The following TMPO variants were observed in gnomAD, a reference collection of about 807,000 sequenced individuals.
TMPO encodes LEM domain containing 4.
TMPO carries 22 observed loss-of-function variants against 45.4 expected under a neutral mutation model. The observed-to-expected ratio is 0.48, with a 90% CI of 0.35 to 0.69. TMPO has a LOEUF of 0.69. TMPO is among the 30% of genes least tolerant of loss of function. The pLI is 0.01. For missense variants in TMPO, 512 were observed against 548.8 expected (o/e 0.93, Z 0.67); for synonymous variants, 241 against 204.1 (o/e 1.18, Z -1.54).
chr12:98,530,116 T>C (rs1236814918), intron 2 of TMPO, among the ~76,000 whole-genome samples: 1 of 152,048 alleles, frequency 6.6e-6, no homozygotes, highest in African/African-American at 2.4e-5. Flanking sequence ...GGTGGTGGAA[T>C]TGCTTGAGTT....
chr12:98,545,119 A>G, intron 7 of TMPO, 58 bp downstream of exon 7: 1 of 1,096,318 alleles, frequency 9.1e-7, no homozygotes, highest in Non-Finnish European at 1.3e-6. Flanking sequence ...GGAAATATAA[A>G]TATTTGTTTG....
rs1407591952 is a variant in TMPO at position 98,515,876 on chromosome 12, G to A, written c.9G>A (p.Glu3=). 1 of 1,613,426 alleles carries A rather than the reference G, an allele frequency of 6.2e-7. No homozygotes were observed. The highest frequency in any genetic ancestry group is 1.1e-5 in the South Asian group (1 of 91,040). MP[E]FLEDPSVLTK... ...CTTCGCAGATCCCCGAGATGCCGGA[G>A]TTCCTGGAAGACCCCTCGGTCCTGA... The change falls in exon 1 of 9, where the codon GAG becomes GAA. Residue 3 remains glutamate, a synonymous_variant. Transcript: ENST00000556029.
intron 4 of TMPO, among the ~76,000 whole-genome samples, chr12:98,539,748 A>G (rs1310006556): frequency 6.6e-6 from 1 of 152,202 alleles, no homozygotes; most frequent in Non-Finnish European, 1.5e-5. Context: ...TGCTGGGATT[A>G]CAGGCATGAG....
At chr12:98,546,509 C>G (rs796521024) in intron 8 of TMPO, 62 bp downstream of exon 8, 82 of 1,256,058 alleles carry the variant, frequency 6.5e-5, no homozygotes, top group Non-Finnish European at 5.8e-6. Context: ...ATTTTTAATT[C>G]TTCATCACAA....
Position 98,537,555 on chromosome 12 carries a change from AGAGTT to A in TMPO, c.650_654del (p.Val217AlafsTer12). 1 of 1,612,992 alleles carries A rather than the reference AGAGTT, an allele frequency of 6.2e-7. No homozygotes were observed. Among genetic ancestry groups the A allele is most frequent in the Non-Finnish European group, 8.5e-7 (1 of 1,179,266 alleles). ...GACTCCAGTAACACTCAAGCAAAGA[AGAGTT>A]GAGCACAATCAGGTATCTTTAGTTT... On this transcript the variant is annotated frameshift_variant, in exon 4 of 9. Transcript: ENST00000556029. LOFTEE classifies it high-confidence loss of function.
chr12:98,528,318 C>T (rs1014639176), intron 2 of TMPO, among the ~76,000 whole-genome samples: 7 of 150,908 alleles, frequency 4.6e-5, no homozygotes, highest in Non-Finnish European at 4.4e-5. Flanking sequence ...GCTCTGTCGC[C>T]CAGGCTGTAG....
intron 2 of TMPO, among the ~76,000 whole-genome samples, chr12:98,529,345 G>A (rs567110950): frequency 9.2e-5 from 14 of 151,960 alleles, no homozygotes; most frequent in East Asian, 3.9e-4. Context: ...GTGAGCCACC[G>A]CGCTGAGCCC....
intron 7 of TMPO, among the ~76,000 whole-genome samples, chr12:98,546,023 G>C (rs371123412): frequency 6.6e-6 from 1 of 152,122 alleles, no homozygotes; most frequent in African/African-American, 2.4e-5. Context: ...GTGAGCCACC[G>C]TACCCGGCCC....
Position 98,546,396 on chromosome 12 carries a change from A to G in TMPO, c.1028A>G (p.Asp343Gly). The G allele has an allele frequency of 6.2e-7, 1 of 1,613,042 alleles. No homozygotes were observed. The highest frequency in any genetic ancestry group is 8.5e-7 in the Non-Finnish European group (1 of 1,179,072). Residue 343 changes from aspartate (D) to glycine (G), a missense_variant, in exon 8 of 9, where the codon GAT (aspartate) becomes GGT (glycine). By Grantham distance (94) the Asp-to-Gly change is moderately conservative. Around this residue, in one of 3 missense-constraint regions of TMPO, gnomAD observed 209 missense variants for 235.1 expected, o/e 0.89. Transcript: ENST00000556029. Reference protein sequence around the residue: ...EKTEERRVERDILKEMFPYEA... With the variant: ...EKTEERRVERGILKEMFPYEA... ...ACAGAGGAAAGAAGAGTAGAAAGGG[A>G]TATTCTTAAGGAAATGTTCCCCTAT...
intron 1 of TMPO, among the ~76,000 whole-genome samples, chr12:98,523,370 A>G (rs1876521367): frequency 1.3e-5 from 2 of 152,108 alleles, no homozygotes; most frequent in South Asian, 4.1e-4. Flanking sequence ...CCTGGCCAAC[A>G]TGGTGAAATC....
intron 8 of TMPO, among the ~76,000 whole-genome samples, chr12:98,547,120 G>C (rs1878272248): frequency 6.8e-6 from 1 of 147,018 alleles, no homozygotes; most frequent in Non-Finnish European, 1.5e-5. Context: ...CTGTTGCCCA[G>C]GCTGGAGTAC....
intron 1 of TMPO, among the ~76,000 whole-genome samples, chr12:98,524,759 A>C (rs974308939): frequency 6.6e-6 from 1 of 151,714 alleles, no homozygotes; most frequent in African/African-American, 2.4e-5. Context: ...ACACCCGGCT[A>C]ATTTTTGCAT....
chr12:98,527,351 CAAAA>C (rs1175889026), intron 1 of TMPO, among the ~76,000 whole-genome samples: 10 of 100,672 alleles, frequency 9.9e-5, no homozygotes, highest in Admixed American at 9.6e-4. Flanking sequence ...AAAAAAAAAA[CAAAA>C]AAAAAAAACC....
intron 4 of TMPO, among the ~76,000 whole-genome samples, chr12:98,538,122 A>G (rs940486564): frequency 6.6e-6 from 1 of 152,246 alleles, no homozygotes; most frequent in Non-Finnish European, 1.5e-5. Flanking sequence ...GAAAATAAGC[A>G]TAGGTATAAA....
chr12:98,522,546 G>A (rs996656938), intron 1 of TMPO, among the ~76,000 whole-genome samples: 9 of 152,182 alleles, frequency 5.9e-5, no homozygotes, highest in African/African-American at 2.2e-4. Context: ...ACCTGAAATA[G>A]AGGAATAACC....
At chr12:98,538,030 C>T (rs1305977639) in intron 4 of TMPO, among the ~76,000 whole-genome samples, 2 of 152,100 alleles carry the variant, frequency 1.3e-5, no homozygotes, top group African/African-American at 4.8e-5. Flanking sequence ...GTTTTCTTTC[C>T]TTATTTCAGA....
At chr12:98,532,970 T>C (rs35998138) in intron 3 of TMPO, 2 of 1,614,046 alleles carry the variant, frequency 1.2e-6, no homozygotes, top group Non-Finnish European at 1.7e-6. Flanking sequence ...AGTACCGAAC[T>C]ACAGGCAGCT....
In TMPO at chr12:98,544,899, G is replaced by A. The variant is rs1878130427; in HGVS notation, c.880-52G>A. 5 of 1,301,100 alleles carry A rather than the reference G, an allele frequency of 3.8e-6. 1 individual carries two copies. The highest frequency in any genetic ancestry group is 3.4e-5 in the Admixed American group (2 of 59,616). 80.6% of individuals were successfully genotyped at this position (1,301,100 alleles called of 1,614,324 possible). On this transcript the variant is annotated intron_variant, in intron 6 of 8. Transcript: ENST00000556029. Reference sequence around the variant, plus strand: ...AAATATCTTTCTTTTCTTTTTAAGTGTCTGTGTTATGTTTGGATAATTCTG... The same window carrying A: ...AAATATCTTTCTTTTCTTTTTAAGTATCTGTGTTATGTTTGGATAATTCTG...
intron 3 of TMPO, chr12:98,534,091 C>A (rs201929673): frequency 6.2e-7 from 1 of 1,612,636 alleles, no homozygotes; most frequent in East Asian, 2.2e-5. Flanking sequence ...TAGTCGTACC[C>A]ACCAAGCGCT....
Sources: allele counts gnomAD v4.1 joint callset (sites outside exome capture counted in the v4.1 genomes callset), GRCh38; gene constraint gnomAD v4.1.1; regional missense constraint gnomAD v4.1.1; transcripts MANE v1.5; gene names NCBI Gene and HGNC (gene_info 2026-07-23, HGNC 2026-07-21).